SOCS5: variants seen among roughly 807,000 people sequenced by gnomAD.
SOCS5 encodes CIS-6.
In SOCS5, 32 loss-of-function variants were observed where a neutral mutation model predicts 42.8. The observed-to-expected ratio is 0.75, with a 90% CI of 0.56 to 1.01. SOCS5 has a LOEUF of 1.01. Among genes scored for constraint, SOCS5 ranks in the 50% least tolerant of loss-of-function variants. The pLI is 0.00. For synonymous variants in SOCS5, 283 were observed against 229.6 expected (o/e 1.23, Z -2.10); for missense variants, 627 against 653.0 (o/e 0.96, Z 0.43).
intron 1 of SOCS5, among the ~76,000 whole-genome samples, chr2:46,724,280 GTTGAC>G (rs1672946669): frequency 6.7e-6 from 1 of 150,294 alleles, no homozygotes; most frequent in Non-Finnish European, 1.5e-5. Flanking sequence ...CAAATACAAT[GTTGAC>G]TAGAAGTGAC....
intron 1 of SOCS5, among the ~76,000 whole-genome samples, chr2:46,728,946 A>G (rs1256057257): frequency 6.6e-6 from 1 of 152,198 alleles, no homozygotes; most frequent in African/African-American, 2.4e-5. Context: ...CATCGTCAGA[A>G]TCAACCTGGG....
chr2:46,708,823 A>G (rs1482770098), intron 1 of SOCS5, among the ~76,000 whole-genome samples: 4 of 148,884 alleles, frequency 2.7e-5, no homozygotes, highest in African/African-American at 5.0e-5. Flanking sequence ...TTTGGAATCC[A>G]TGTTTGCTTC....
chr2:46,747,965 A>G (rs1386013715), intron 1 of SOCS5, among the ~76,000 whole-genome samples: 2 of 152,218 alleles, frequency 1.3e-5, no homozygotes, highest in Non-Finnish European at 2.9e-5. Context: ...TCCTATTTCT[A>G]AAAACTAAAT....
rs1268318444 is a variant in SOCS5 at position 46,761,769 on chromosome 2, A to G, written c.*1628A>G. 1 of 166,600 alleles carries G rather than the reference A, an allele frequency of 6.0e-6. No individual in the cohort carries two copies. The highest frequency in any genetic ancestry group is 2.4e-5 in the African/African-American group (1 of 41,472). The allele number at this position is 166,600 out of a possible 1,614,324, so 10.3% of individuals were successfully genotyped here. A position where few individuals can be genotyped will look rare whatever the true frequency, so the allele number is the denominator to read the frequency against. ...TCAGAATAAGCTAACTCTAAATTTAATGCTCTACATCTTATCAGTCATAAT... is the reference window on the plus strand; with the variant it reads ...TCAGAATAAGCTAACTCTAAATTTAGTGCTCTACATCTTATCAGTCATAAT... On this transcript the variant is annotated 3_prime_UTR_variant, in exon 2 of 2. Coordinates refer to ENST00000394861, the MANE Select transcript of SOCS5 (RefSeq NM_144949.3).
rs543058896 is a variant in SOCS5 at position 46,746,563 on chromosome 2, A to G, written c.-12-11956A>G. 7.2e-5 allele frequency among the ~76,000 whole-genome samples: 11 copies of G among 151,998 alleles called. No homozygotes were observed. The South Asian group carries it at 2.3e-3, about 32-fold the overall frequency. ...CTACTCGGGAGGCTGAGGCAGGAGAATGGTGTGAACCTGAGAGGTAGAGGT... is the reference window on the plus strand; with the variant it reads ...CTACTCGGGAGGCTGAGGCAGGAGAGTGGTGTGAACCTGAGAGGTAGAGGT... On this transcript the variant is annotated intron_variant, in intron 1 of 1. Coordinates refer to ENST00000394861, the MANE Select transcript of SOCS5 (RefSeq NM_144949.3).
At chr2:46,713,547 T>C (rs10189994) in intron 1 of SOCS5, among the ~76,000 whole-genome samples, 7,312 of 152,240 alleles carry the variant, frequency 0.048, 621 homozygotes, top group African/African-American at 0.17. Flanking sequence ...TTTTTCCTTT[T>C]TTCCCCTTGA....
chr2:46,728,765 A>T (rs1673048518), intron 1 of SOCS5, among the ~76,000 whole-genome samples: 1 of 152,208 alleles, frequency 6.6e-6, no homozygotes, highest in Admixed American at 6.5e-5. Flanking sequence ...CATGTTGGCC[A>T]GACTGGTCTT....
At chr2:46,734,937 T>C (rs894994382) in intron 1 of SOCS5, among the ~76,000 whole-genome samples, 2 of 152,216 alleles carry the variant, frequency 1.3e-5, no homozygotes, top group Non-Finnish European at 2.9e-5. Flanking sequence ...TCATTTTCCA[T>C]CTTTTGGAGA....
chr2:46,707,019 G>A (rs747349902), intron 1 of SOCS5, among the ~76,000 whole-genome samples: 10 of 152,200 alleles, frequency 6.6e-5, no homozygotes, highest in Non-Finnish European at 1.5e-4. Context: ...GTACAAATGA[G>A]GATGGAGGAA....
chr2:46,706,649 A>G (rs975425948), intron 1 of SOCS5, among the ~76,000 whole-genome samples: 4 of 152,224 alleles, frequency 2.6e-5, no homozygotes, highest in Non-Finnish European at 4.4e-5. Context: ...ATCGTTTAAT[A>G]GAAAAGTCAC....
intron 1 of SOCS5, among the ~76,000 whole-genome samples, chr2:46,716,972 A>T (rs1672761388): frequency 6.6e-6 from 1 of 152,052 alleles, no homozygotes; most frequent in African/African-American, 2.4e-5. Flanking sequence ...CCAGCTGGTT[A>T]TTGATCCTGG....
chr2:46,704,377 T>C (rs1672412502), intron 1 of SOCS5, among the ~76,000 whole-genome samples: 1 of 152,100 alleles, frequency 6.6e-6, no homozygotes, highest in Admixed American at 6.5e-5. Context: ...AATGGAACAA[T>C]GAGAACTCCA....
In SOCS5 at chr2:46,760,603, G is replaced by T. The variant is rs1317171042; in HGVS notation, c.*462G>T. The T allele has an allele frequency of 5.9e-6, 1 of 169,862 alleles. No individual in the cohort carries two copies. Among genetic ancestry groups the T allele is most frequent in the Admixed American group, 6.4e-5 (1 of 15,712 alleles). The allele number at this position is 169,862 out of a possible 1,614,324, so 10.5% of individuals were successfully genotyped here. A position where few individuals can be genotyped will look rare whatever the true frequency, so the allele number is the denominator to read the frequency against. On this transcript the variant is annotated 3_prime_UTR_variant, in exon 2 of 2. Transcript: ENST00000394861. Reference sequence around the variant, plus strand: ...AAATCAAGCTTTGGAAGTCCAAAAAGAATAAAAGACTGCCTTCCTTTTAGA... The same window carrying T: ...AAATCAAGCTTTGGAAGTCCAAAAATAATAAAAGACTGCCTTCCTTTTAGA...
At chr2:46,726,102 A>G (rs1442669044) in intron 1 of SOCS5, among the ~76,000 whole-genome samples, 1 of 151,082 alleles carries the variant, frequency 6.6e-6, no homozygotes, top group Non-Finnish European at 1.5e-5. Flanking sequence ...AAATTTATTT[A>G]TTTATTTTTT....
chr2:46,725,137 T>C (rs1312428999), intron 1 of SOCS5, among the ~76,000 whole-genome samples: 1 of 152,130 alleles, frequency 6.6e-6, no homozygotes, highest in Non-Finnish European at 1.5e-5. Flanking sequence ...CTGATAATTT[T>C]CTTTGCTTTG....
At chr2:46,726,945 G>A (rs1300805322) in intron 1 of SOCS5, among the ~76,000 whole-genome samples, 2 of 151,206 alleles carry the variant, frequency 1.3e-5, no homozygotes, top group Non-Finnish European at 2.9e-5. Context: ...TATTAGAGAC[G>A]GGGTTTCTCC....
At chr2:46,723,117 C>G (rs751725658) in intron 1 of SOCS5, among the ~76,000 whole-genome samples, 3 of 152,084 alleles carry the variant, frequency 2.0e-5, no homozygotes, top group Non-Finnish European at 4.4e-5. Context: ...GCTTTTCATA[C>G]TCTTCACATT....
rs2103680297 is a variant in SOCS5 at position 46,699,452 on chromosome 2, G to C, written c.-13+3G>C. 1 of 152,176 alleles carries C rather than the reference G, an allele frequency of 6.6e-6. No individual in the cohort carries two copies. Among genetic ancestry groups the C allele is most frequent in the East Asian group, 1.9e-4 (1 of 5,142 alleles). The allele number at this position is 152,176 out of a possible 1,614,324, so 9.4% of individuals were successfully genotyped here. On this transcript the variant is annotated splice_donor_region_variant and intron_variant, in intron 1 of 1. Transcript: ENST00000394861. The surrounding 1 kb of genome is among the most constrained non-coding windows in gnomAD (Gnocchi z 4.8). ...GGCCGCCCCGCGCGCCCCAAACGGT[G>C]AGTGTCCCCGCGGTCGCGCCCGGCC... is the stretch of plus-strand genomic sequence containing the variant.
At chr2:46,757,258 G>C (rs1210506192) in intron 1 of SOCS5, among the ~76,000 whole-genome samples, 1 of 152,168 alleles carries the variant, frequency 6.6e-6, no homozygotes, top group African/African-American at 2.4e-5. Context: ...GTTATGGCAA[G>C]ATCAGCTAAA....
Sources: allele counts gnomAD v4.1 joint callset (sites outside exome capture counted in the v4.1 genomes callset), GRCh38; gene constraint gnomAD v4.1.1; non-coding constraint Gnocchi (gnomAD v3.1); transcripts MANE v1.5; gene names NCBI Gene and HGNC (gene_info 2026-07-23, HGNC 2026-07-21).